Variants in UNC5D observed in about 807,000 individuals in gnomAD.
UNC5D encodes the protein unc-5 netrin receptor D.
In UNC5D, 39 loss-of-function variants were observed where a neutral mutation model predicts 105.4. The observed-to-expected ratio is 0.37, with a 90% CI of 0.29 to 0.48. The LOEUF is 0.48. UNC5D is among the 20% of genes least tolerant of loss of function. UNC5D has a pLI of 0.98. For missense variants in UNC5D, 991 were observed against 1,202.4 expected, an observed-to-expected ratio of 0.82 and a Z score of 2.60; for synonymous variants, 452 against 450.4, an observed-to-expected ratio of 1.00 and a Z score of -0.04.
chr8:35,457,220 A>C (rs1808556529), intron 1 of UNC5D, among the ~76,000 whole-genome samples: 1 of 152,234 alleles, frequency 6.6e-6, no homozygotes, highest in Non-Finnish European at 1.5e-5. Flanking sequence ...AAAACAAAAT[A>C]AAATTTAATT....
At chr8:35,682,744 A>G (rs1825749106) in intron 4 of UNC5D, among the ~76,000 whole-genome samples, 1 of 152,208 alleles carries the variant, frequency 6.6e-6, no homozygotes, top group East Asian at 1.9e-4. Context: ...TGTTCAAGGA[A>G]AGAGAAGTTT....
chr8:35,615,481 G>A (rs1425347841), intron 4 of UNC5D, among the ~76,000 whole-genome samples: 3 of 152,018 alleles, frequency 2.0e-5, no homozygotes, highest in Admixed American at 6.6e-5. Flanking sequence ...CTTCCCAGGT[G>A]ACGCTGATCT....
intron 4 of UNC5D, among the ~76,000 whole-genome samples, chr8:35,629,431 G>GC (rs1050875398): frequency 6.6e-6 from 1 of 151,908 alleles, no homozygotes; most frequent in African/African-American, 2.4e-5. Flanking sequence ...AACAAATTCA[G>GC]CAACAGAAAA....
At chr8:35,744,160 G>A (rs1328768315) in intron 11 of UNC5D, among the ~76,000 whole-genome samples, 1 of 152,126 alleles carries the variant, frequency 6.6e-6, no homozygotes, top group Non-Finnish European at 1.5e-5. Context: ...GGTTCCTTAT[G>A]AGGAGATTCA....
intron 1 of UNC5D, chr8:35,525,543 T>A: frequency 1.2e-6 from 2 of 1,612,496 alleles, no homozygotes; most frequent in South Asian, 2.2e-5. Context: ...AGGAGGGGTT[T>A]CTGTTCGGTC....
intron 1 of UNC5D, among the ~76,000 whole-genome samples, chr8:35,428,240 C>T (rs372270458): frequency 6.6e-5 from 10 of 151,956 alleles, no homozygotes; most frequent in East Asian, 5.8e-4. Context: ...TGCACAGTGG[C>T]GCCATCTCAG....
intron 1 of UNC5D, among the ~76,000 whole-genome samples, chr8:35,266,549 A>G (rs1804885781): frequency 6.6e-6 from 1 of 152,188 alleles, no homozygotes; most frequent in Non-Finnish European, 1.5e-5. Flanking sequence ...TCCAGTAACT[A>G]TTGTATGGGA....
intron 16 of UNC5D, among the ~76,000 whole-genome samples, chr8:35,774,800 G>A (rs984327882): frequency 7.2e-5 from 11 of 152,074 alleles, no homozygotes; most frequent in Admixed American, 2.6e-4. Context: ...GGTGGTGCAC[G>A]CCTGTAATCC....
chr8:35,388,507 A>G (rs1171518002), intron 1 of UNC5D, among the ~76,000 whole-genome samples: 3 of 152,190 alleles, frequency 2.0e-5, no homozygotes, highest in South Asian at 2.1e-4. Context: ...CCTTATTTTT[A>G]TAGATATAAA....
intron 1 of UNC5D, chr8:35,544,437 T>C (rs758272520): frequency 7.7e-5 from 125 of 1,613,482 alleles, no homozygotes; most frequent in Non-Finnish European, 1.0e-4. Flanking sequence ...TAATATGTTA[T>C]CTGGGGGTGG....
chr8:35,431,947 AG>A (rs1256189858), intron 1 of UNC5D, among the ~76,000 whole-genome samples: 1 of 152,186 alleles, frequency 6.6e-6, no homozygotes, highest in South Asian at 2.1e-4. Context: ...TTTCTTCATA[AG>A]TTACAGTTAA....
At chr8:35,292,430 C>A (rs999780826) in intron 1 of UNC5D, among the ~76,000 whole-genome samples, 1 of 152,176 alleles carries the variant, frequency 6.6e-6, no homozygotes, top group Non-Finnish European at 1.5e-5. Flanking sequence ...TCATTTCTAG[C>A]AGAAAAATTT....
intron 1 of UNC5D, among the ~76,000 whole-genome samples, chr8:35,396,890 T>C (rs1463355770): frequency 2.0e-5 from 3 of 150,120 alleles, no homozygotes; most frequent in Admixed American, 6.7e-5. Context: ...AGCCCAAGGG[T>C]TTTTTTGTTT....
At chr8:35,267,760 G>A (rs889108480) in intron 1 of UNC5D, among the ~76,000 whole-genome samples, 11 of 152,064 alleles carry the variant, frequency 7.2e-5, no homozygotes, top group East Asian at 1.9e-4. Context: ...TTTTTGAACC[G>A]CATAGATGTT....
At chr8:35,728,372 C>G (rs773285083) in intron 10 of UNC5D, among the ~76,000 whole-genome samples, 6 of 151,958 alleles carry the variant, frequency 3.9e-5, no homozygotes, top group African/African-American at 1.2e-4. Flanking sequence ...TCAAAGAAAG[C>G]GAGATGAAAT....
At chr8:35,684,869 C>A in intron 6 of UNC5D, 120 bp downstream of exon 6, 1 of 1,280,304 alleles carries the variant, frequency 7.8e-7, no homozygotes, top group Non-Finnish European at 1.0e-6. Flanking sequence ...TAGAATAGAA[C>A]ATTTATCCAA....
At chr8:35,555,782 C>G (rs1218794655) in intron 2 of UNC5D, among the ~76,000 whole-genome samples, 2 of 151,006 alleles carry the variant, frequency 1.3e-5, no homozygotes, top group African/African-American at 4.9e-5. Flanking sequence ...GCTGAGATCG[C>G]ACCACTGTAC....
chr8:35,659,833 C>T (rs545044242), intron 4 of UNC5D, among the ~76,000 whole-genome samples: 1 of 152,072 alleles, frequency 6.6e-6, no homozygotes, highest in South Asian at 2.1e-4. Flanking sequence ...CAAAGTCAGC[C>T]CCTGAAAAGC....
chr8:35,469,705 G>A (rs1207425755), intron 1 of UNC5D, among the ~76,000 whole-genome samples: 1 of 152,164 alleles, frequency 6.6e-6, no homozygotes, highest in Non-Finnish European at 1.5e-5. Flanking sequence ...GGCATTTAAG[G>A]AAAACTACAA....
Sources: gnomAD v4.1 joint callset for allele counts (sites outside exome capture counted in the v4.1 genomes callset) on GRCh38, gnomAD v4.1.1 for gene constraint, MANE v1.5 for transcripts, NCBI Gene and HGNC (gene_info 2026-07-23, HGNC 2026-07-21) for gene names.